Variants in STX8 observed in about 807,000 individuals in gnomAD.
STX8 encodes the protein syntaxin-8.
STX8 carries 23 observed loss-of-function variants against 37.5 expected under a neutral mutation model. That is an observed-to-expected ratio of 0.61 (90% CI 0.44 to 0.87). The LOEUF is 0.87. STX8 is among the 40% of genes least tolerant of loss of function. The probability of loss-of-function intolerance (pLI) is 0.00; values close to 1 mark genes in which losing one functional copy is unlikely to be tolerated. For missense variants in STX8, 313 were observed against 284.7 expected (o/e 1.10, Z -0.71); for synonymous variants, 115 against 99.1 (o/e 1.16, Z -0.95).
At chr17:9,383,956 G>T (rs1227264294) in intron 6 of STX8, among the ~76,000 whole-genome samples, 1 of 152,126 alleles carries the variant, frequency 6.6e-6, no homozygotes, top group Admixed American at 6.6e-5. Context: ...TGGGAGAAAT[G>T]AAAGAAGGCC....
At chr17:9,485,086 C>T (rs540001243) in intron 6 of STX8, among the ~76,000 whole-genome samples, 1 of 151,964 alleles carries the variant, frequency 6.6e-6, no homozygotes, top group East Asian at 1.9e-4. Context: ...CCCAGGAATT[C>T]AAGTCCAGCC....
intron 6 of STX8, among the ~76,000 whole-genome samples, chr17:9,463,517 C>T (rs1436073765): frequency 6.6e-6 from 1 of 152,098 alleles, no homozygotes; most frequent in Non-Finnish European, 1.5e-5. Flanking sequence ...CTCACGCCTG[C>T]ACTTTGGGAG....
intron 4 of STX8, among the ~76,000 whole-genome samples, chr17:9,533,640 G>A (rs1350712290): frequency 6.6e-6 from 1 of 152,150 alleles, no homozygotes; most frequent in African/African-American, 2.4e-5. Context: ...AGGCCAGCGA[G>A]TGACTAACTC....
At chr17:9,414,989 C>T (rs189718972) in intron 6 of STX8, among the ~76,000 whole-genome samples, 37 of 152,042 alleles carry the variant, frequency 2.4e-4, no homozygotes, top group African/African-American at 8.2e-4. Context: ...TGGGGTTTCA[C>T]CATGTTGGCC....
intron 1 of STX8, among the ~76,000 whole-genome samples, chr17:9,573,139 A>T (rs1169583087): frequency 7.6e-6 from 1 of 132,052 alleles, no homozygotes; most frequent in Admixed American, 8.3e-5. Flanking sequence ...AGGGCATTCC[A>T]AAGTTAACCT....
chr17:9,575,793 A>G lies in STX8; in HGVS notation c.16T>C (p.Trp6Arg). The stretch of plus-strand genomic sequence containing the variant: ...CCGCCGCCCTCACCCGGGACTCACC[A>G]GGGGTCCGGTGCCATCCTGCAGACT... MAPDP[W>R]FSTYDSTCQI... The change falls in exon 1 of 8, where the codon TGG becomes CGG. Residue 6 changes from tryptophan (W) to arginine (R), a missense_variant and splice_region_variant. Physicochemically the swap from Trp to Arg is moderately radical, Grantham distance 101. Transcript: ENST00000306357. The G allele has an allele frequency of 1.3e-6, 2 of 1,542,166 alleles. No individual in the cohort carries two copies. Among genetic ancestry groups the G allele is most frequent in the Non-Finnish European group, 1.7e-6 (2 of 1,146,336 alleles).
chr17:9,423,101 A>G (rs571366035), intron 6 of STX8, among the ~76,000 whole-genome samples: 2 of 152,224 alleles, frequency 1.3e-5, no homozygotes, highest in Non-Finnish European at 2.9e-5. Context: ...AAATAAGTGC[A>G]TATATACATA....
At chr17:9,408,159 C>A (rs1423125037) in intron 6 of STX8, among the ~76,000 whole-genome samples, 1 of 152,080 alleles carries the variant, frequency 6.6e-6, no homozygotes, top group Non-Finnish European at 1.5e-5. Flanking sequence ...GCATGACTCC[C>A]CAGACCCCTT....
chr17:9,530,900 C>G (rs1454076100), intron 4 of STX8, among the ~76,000 whole-genome samples: 1 of 152,200 alleles, frequency 6.6e-6, no homozygotes, highest in Middle Eastern at 3.2e-3. Flanking sequence ...ATCCCAAGAT[C>G]ATAAAAATGT....
chr17:9,389,521 A>G (rs974823762), intron 6 of STX8, among the ~76,000 whole-genome samples: 2 of 152,234 alleles, frequency 1.3e-5, no homozygotes, highest in Non-Finnish European at 2.9e-5. Flanking sequence ...CCACAAAATG[A>G]CAGCATCACA....
intron 6 of STX8, among the ~76,000 whole-genome samples, chr17:9,388,812 GAAA>G (rs79059878): frequency 0.013 from 1,391 of 108,058 alleles, 23 homozygotes; most frequent in African/African-American, 0.04. Context: ...TCAAAAAAAA[GAAA>G]AAAAAAAAAA....
At chr17:9,393,174 C>T (rs1912284940) in intron 6 of STX8, among the ~76,000 whole-genome samples, 1 of 152,084 alleles carries the variant, frequency 6.6e-6, no homozygotes, top group Admixed American at 6.5e-5. Context: ...CATCAAAAAT[C>T]AGAGGCCAGA....
chr17:9,379,720 GC>G, intron 6 of STX8, among the ~76,000 whole-genome samples: 1 of 152,188 alleles, frequency 6.6e-6, no homozygotes, highest in African/African-American at 2.4e-5. Flanking sequence ...TATAATCCCA[GC>G]ACTTTGGGAG....
Position 9,556,171 on chromosome 17 carries a change from G to A in STX8, c.212+1263C>T, listed in dbSNP as rs138341992. ...CCAACTTTCCTGGTGATATAAAGGT[G>A]TTACAATGGGGGAAAATATTTTTTA... is the stretch of plus-strand genomic sequence containing the variant. On this transcript the variant is annotated intron_variant, in intron 3 of 7. Coordinates refer to ENST00000306357, the MANE Select transcript of STX8 (RefSeq NM_004853.3). Among the ~76,000 whole-genome samples the A allele has an allele frequency of 9.9e-5, 15 of 152,254 alleles. No homozygotes were observed. The East Asian group carries it at 2.7e-3, about 27-fold the overall frequency.
At chr17:9,571,344 G>A (rs1466008903) in intron 1 of STX8, among the ~76,000 whole-genome samples, 1 of 152,142 alleles carries the variant, frequency 6.6e-6, no homozygotes, top group Admixed American at 6.5e-5. Flanking sequence ...CTGGGCGTGC[G>A]TGGGGAGCTT....
chr17:9,429,140 A>C (rs1002587113), intron 6 of STX8, among the ~76,000 whole-genome samples: 7 of 151,894 alleles, frequency 4.6e-5, no homozygotes, highest in Admixed American at 1.3e-4. Flanking sequence ...AGTTTTATTG[A>C]GACATAATTC....
intron 7 of STX8, among the ~76,000 whole-genome samples, chr17:9,316,379 G>C (rs1051582877): frequency 5.3e-5 from 8 of 152,070 alleles, no homozygotes; most frequent in African/African-American, 1.9e-4. Context: ...GTATGATTAG[G>C]AGGTTTGAAC....
At chr17:9,315,815 C>T (rs748026567) in intron 7 of STX8, among the ~76,000 whole-genome samples, 35 of 152,166 alleles carry the variant, frequency 2.3e-4, no homozygotes, top group Non-Finnish European at 4.0e-4. Context: ...AGTTTGAGAC[C>T]AGCCTGGGTA....
At chr17:9,348,417 CAAAA>C (rs1190839413) in intron 7 of STX8, among the ~76,000 whole-genome samples, 6 of 99,416 alleles carry the variant, frequency 6.0e-5, no homozygotes, top group Admixed American at 2.2e-4. Flanking sequence ...GACTCTGTCT[CAAAA>C]AAAAAAAAAA....
Sources: gnomAD v4.1 joint callset for allele counts (sites outside exome capture counted in the v4.1 genomes callset) on GRCh38, gnomAD v4.1.1 for gene constraint, MANE v1.5 for transcripts, NCBI Gene and HGNC (gene_info 2026-07-23, HGNC 2026-07-21) for gene names.